CCNY: variants seen among roughly 807,000 people sequenced by gnomAD.
CCNY encodes the protein cyclin Y.
In CCNY, 19 loss-of-function variants were observed where a neutral mutation model predicts 42.8. The observed-to-expected ratio is 0.44, with a 90% CI of 0.31 to 0.65. The LOEUF is 0.65. CCNY is among the 30% of genes least tolerant of loss of function. The pLI is 0.07. For synonymous variants in CCNY, 165 were observed against 162.7 expected, an observed-to-expected ratio of 1.01 and a Z score of -0.11; for missense variants, 370 against 437.3, an observed-to-expected ratio of 0.85 and a Z score of 1.37.
At chr10:35,381,166 C>T (rs1194786204) in intron 1 of CCNY, among the ~76,000 whole-genome samples, 1 of 152,174 alleles carries the variant, frequency 6.6e-6, no homozygotes, top group Non-Finnish European at 1.5e-5. Context: ...ATATTCTTTC[C>T]CCCAAAATCT....
rs1323597031 is a variant in CCNY at position 35,546,460 on chromosome 10, TA to T, written c.580-6557del. On this transcript the variant is annotated intron_variant, in intron 7 of 9. Transcript: ENST00000374704. Reference sequence around the variant, plus strand: ...AATTAAATCTGAAAACTTAACTGAGTAAGAGTGACCTGTTAGCAATGGTCGT... The same window carrying T: ...AATTAAATCTGAAAACTTAACTGAGTAGAGTGACCTGTTAGCAATGGTCGT... Among the ~76,000 whole-genome samples, 16 of 152,298 alleles carry T rather than the reference TA, an allele frequency of 1.1e-4. No homozygotes were observed. In the East Asian group the frequency reaches 3.1e-3, roughly 29 times the overall value.
intron 1 of CCNY, among the ~76,000 whole-genome samples, chr10:35,413,065 T>C (rs1221842878): frequency 6.6e-6 from 1 of 151,800 alleles, no homozygotes; most frequent in East Asian, 1.9e-4. Context: ...TCTTTTGGTA[T>C]TGTGTTGGAG....
chr10:35,559,015 C>G (rs1301142757), intron 8 of CCNY, among the ~76,000 whole-genome samples: 1 of 152,108 alleles, frequency 6.6e-6, no homozygotes, highest in African/African-American at 2.4e-5. Context: ...ATTAGAAAAA[C>G]CCAAGACTGC....
intron 8 of CCNY, among the ~76,000 whole-genome samples, chr10:35,554,489 T>C (rs1216274659): frequency 6.6e-6 from 1 of 152,208 alleles, no homozygotes; most frequent in Non-Finnish European, 1.5e-5. Flanking sequence ...AAAATAGTTG[T>C]CATTCATATC....
chr10:35,545,007 A>G (rs1336139098), intron 7 of CCNY, among the ~76,000 whole-genome samples: 1 of 152,208 alleles, frequency 6.6e-6, no homozygotes, highest in Non-Finnish European at 1.5e-5. Context: ...CTAAGCAAGC[A>G]TGTGTTCATG....
intron 3 of CCNY, among the ~76,000 whole-genome samples, chr10:35,270,225 C>T: frequency 6.6e-6 from 1 of 152,128 alleles, no homozygotes; most frequent in East Asian, 1.9e-4. Flanking sequence ...CTCCAACAAG[C>T]CCTTTGGTAG....
intron 9 of CCNY, among the ~76,000 whole-genome samples, chr10:35,568,221 G>A (rs1229744034): frequency 2.0e-5 from 3 of 152,206 alleles, no homozygotes; most frequent in African/African-American, 4.8e-5. Context: ...GTTCCCTCAG[G>A]TTTCTCCGAG....
intron 1 of CCNY, among the ~76,000 whole-genome samples, chr10:35,409,122 G>A (rs1029454535): frequency 6.6e-6 from 1 of 152,074 alleles, no homozygotes; most frequent in Non-Finnish European, 1.5e-5. Flanking sequence ...CTGTTAGATT[G>A]TGTATTGCAA....
intron 1 of CCNY, among the ~76,000 whole-genome samples, chr10:35,391,073 G>T (rs184528939): frequency 6.6e-6 from 1 of 152,166 alleles, no homozygotes; most frequent in Non-Finnish European, 1.5e-5. Context: ...CCCCAGTGCC[G>T]CAAAGAAATA....
intron 1 of CCNY, among the ~76,000 whole-genome samples, chr10:35,411,512 C>CA (rs59117826): frequency 0.11 from 6,913 of 60,814 alleles, 935 homozygotes; most frequent in African/African-American, 0.28. Flanking sequence ...AAGACTCTGT[C>CA]AAAAAAAAAA....
At chr10:35,491,288 A>C (rs1387974857) in intron 2 of CCNY, among the ~76,000 whole-genome samples, 1 of 152,206 alleles carries the variant, frequency 6.6e-6, no homozygotes, top group East Asian at 1.9e-4. Context: ...CAATGGACAC[A>C]CCTGTCTCCT....
At chr10:35,560,376 C>A (rs1046854333) in intron 8 of CCNY, among the ~76,000 whole-genome samples, 3 of 152,072 alleles carry the variant, frequency 2.0e-5, no homozygotes, top group African/African-American at 7.2e-5. Flanking sequence ...TTTTTAAAGA[C>A]CTAATTAAAT....
chr10:35,460,195 A>G (rs1839126801), intron 1 of CCNY, among the ~76,000 whole-genome samples: 1 of 152,148 alleles, frequency 6.6e-6, no homozygotes, highest in African/African-American at 2.4e-5. Context: ...GAACTTAGTA[A>G]TGTTCTTTAA....
At chr10:35,364,436 G>A (rs917241710) in intron 1 of CCNY, among the ~76,000 whole-genome samples, 2 of 152,218 alleles carry the variant, frequency 1.3e-5, no homozygotes, top group Non-Finnish European at 2.9e-5. Flanking sequence ...TTGAAGGACT[G>A]ACTGCTGACC....
intron 1 of CCNY, among the ~76,000 whole-genome samples, chr10:35,430,486 C>T (rs1417142485): frequency 6.6e-5 from 10 of 151,826 alleles, no homozygotes; most frequent in Non-Finnish European, 4.4e-5. Context: ...ATGTGATCAT[C>T]GTGTGACTGA....
intron 1 of CCNY, among the ~76,000 whole-genome samples, chr10:35,460,979 G>T (rs1317949232): frequency 1.3e-5 from 2 of 151,872 alleles, no homozygotes; most frequent in South Asian, 4.2e-4. Flanking sequence ...CTGAGGGAGG[G>T]ATGTGAAGAG....
chr10:35,469,511 AG>A (rs1215394911), intron 1 of CCNY, among the ~76,000 whole-genome samples: 1 of 152,158 alleles, frequency 6.6e-6, no homozygotes, highest in Non-Finnish European at 1.5e-5. Flanking sequence ...AGGAGAAGAG[AG>A]ACTGAGAGAT....
chr10:35,385,627 T>TCTTACCAATAC (rs1322484787), intron 1 of CCNY, among the ~76,000 whole-genome samples: 2 of 152,224 alleles, frequency 1.3e-5, no homozygotes, highest in Non-Finnish European at 2.9e-5. Context: ...TGCCCCATAT[T>TCTTACCAATAC]CTTACCAATA....
chr10:35,357,166 C>CACTGCT (rs1836573149), intron 1 of CCNY, among the ~76,000 whole-genome samples: 1 of 151,264 alleles, frequency 6.6e-6, no homozygotes, highest in African/African-American at 2.5e-5. Flanking sequence ...AGAGAGCAGC[C>CACTGCT]CCTGCTCCTG....
Sources: allele counts gnomAD v4.1 joint callset (sites outside exome capture counted in the v4.1 genomes callset), GRCh38; gene constraint gnomAD v4.1.1; transcripts MANE v1.5; gene names NCBI Gene and HGNC (gene_info 2026-07-23, HGNC 2026-07-21).